The following CCDC88C variants were observed in gnomAD, a reference collection of about 807,000 sequenced individuals.
CCDC88C encodes the protein coiled-coil and HOOK domain protein 88C.
Under a neutral mutation model 198.8 loss-of-function variants are expected in CCDC88C, and 131 were observed. The observed-to-expected ratio is 0.66, with a 90% CI of 0.57 to 0.76. The LOEUF is 0.76. Among genes scored for constraint, CCDC88C ranks in the 30% least tolerant of loss-of-function variants. The pLI, the probability that CCDC88C is intolerant of heterozygous loss-of-function variation, is 0.00. For synonymous variants in CCDC88C, 1,166 were observed against 1,114.7 expected, an observed-to-expected ratio of 1.05 and a Z score of -0.92; for missense variants, 2,553 against 2,631.6, an observed-to-expected ratio of 0.97 and a Z score of 0.65.
chr14:91,367,719 C>T (rs1894606797), intron 3 of CCDC88C, among the ~76,000 whole-genome samples: 1 of 152,104 alleles, frequency 6.6e-6, no homozygotes, highest in South Asian at 2.1e-4. Context: ...AGGAGTCTGA[C>T]ACGTGAGGGA....
intron 3 of CCDC88C, among the ~76,000 whole-genome samples, chr14:91,367,191 C>A (rs1333810029): frequency 2.0e-5 from 3 of 152,134 alleles, no homozygotes; most frequent in African/African-American, 7.2e-5. Flanking sequence ...GGATGCCCCT[C>A]ATGTGGCTAT....
intron 15 of CCDC88C, among the ~76,000 whole-genome samples, 156 bp from the exon 16 acceptor site, chr14:91,310,142 G>T (rs193082265): frequency 6.6e-6 from 1 of 151,964 alleles, no homozygotes; most frequent in African/African-American, 2.4e-5. Flanking sequence ...TGCTCTTCCC[G>T]AGGAAAGCCA....
intron 2 of CCDC88C, among the ~76,000 whole-genome samples, chr14:91,413,722 GACT>G (rs1242908281): frequency 6.6e-6 from 1 of 152,218 alleles, no homozygotes; most frequent in African/African-American, 2.4e-5. Flanking sequence ...AGGGCCGAGA[GACT>G]ACTAACAGCC....
chr14:91,399,663 C>T (rs1596160434), intron 3 of CCDC88C, among the ~76,000 whole-genome samples: 1 of 151,856 alleles, frequency 6.6e-6, no homozygotes, highest in African/African-American at 2.4e-5. Context: ...CACGGTGAAA[C>T]CCCGTCTCTA....
intron 5 of CCDC88C, 48 bp downstream of exon 5, chr14:91,343,551 G>T (rs758578294): frequency 6.2e-7 from 1 of 1,611,234 alleles, no homozygotes; most frequent in Admixed American, 1.7e-5. Context: ...AACCCAATAT[G>T]AGATGGCTGG....
In CCDC88C at chr14:91,272,883, C is replaced by A. The variant is rs375271984; in HGVS notation, c.5829G>T (p.Ala1943=). Residue 1943 remains alanine (A), a synonymous_variant, in exon 30 of 30, where the codon GCG becomes GCT. Transcript: ENST00000389857. ...TGGCCACCTCCCCTGAGCGTGGGGG[C>A]GCCTTGGGCTTGGTCCTGGCAGCCG... ...AAPAARTKPK[A]PPRSGEVATI... The A allele has an allele frequency of 5.7e-6, 9 of 1,588,038 alleles. No individual in the cohort carries two copies. In the African/African-American group the frequency reaches 1.2e-4, roughly 21 times the overall value.
chr14:91,393,395 A>C (rs1021213615), intron 3 of CCDC88C, among the ~76,000 whole-genome samples: 1 of 152,182 alleles, frequency 6.6e-6, no homozygotes, highest in African/African-American at 2.4e-5. Flanking sequence ...ACCTGAGCGA[A>C]TTCTACCTCC....
intron 6 of CCDC88C, among the ~76,000 whole-genome samples, chr14:91,340,495 T>A (rs1893271798): frequency 6.6e-6 from 1 of 152,180 alleles, no homozygotes; most frequent in South Asian, 2.1e-4. Flanking sequence ...CATAAACAGT[T>A]TTCAGGGAAG....
intron 15 of CCDC88C, among the ~76,000 whole-genome samples, chr14:91,312,063 C>T (rs929103447): frequency 1.3e-5 from 2 of 151,446 alleles, no homozygotes; most frequent in Non-Finnish European, 3.0e-5. Flanking sequence ...ACAATCTAAA[C>T]ATCTAAAAAA....
chr14:91,341,348 T>G (rs1477509903), intron 6 of CCDC88C, among the ~76,000 whole-genome samples: 1 of 152,104 alleles, frequency 6.6e-6, no homozygotes. Flanking sequence ...GAGCTTTTAT[T>G]GAAATGCTTA....
chr14:91,337,848 G>A (rs376537964), intron 10 of CCDC88C, among the ~76,000 whole-genome samples, 157 bp downstream of exon 10: 47 of 152,310 alleles, frequency 3.1e-4, no homozygotes, highest in Admixed American at 1.0e-3. Context: ...CAAGACGGGG[G>A]CCCTGGGAAG....
chr14:91,366,485 A>G (rs1030192970), intron 3 of CCDC88C, among the ~76,000 whole-genome samples: 1 of 149,654 alleles, frequency 6.7e-6, no homozygotes, highest in Admixed American at 6.6e-5. Flanking sequence ...GACGGTCTAA[A>G]AAAATATAAA....
chr14:91,308,993 A>G (rs1047805909), intron 16 of CCDC88C, among the ~76,000 whole-genome samples: 1 of 152,152 alleles, frequency 6.6e-6, no homozygotes, highest in Non-Finnish European at 1.5e-5. Context: ...TTGGGATGCC[A>G]AGGCGGGAGG....
intron 2 of CCDC88C, among the ~76,000 whole-genome samples, chr14:91,415,643 C>A (rs1046701737): frequency 6.6e-6 from 1 of 151,968 alleles, no homozygotes; most frequent in African/African-American, 2.4e-5. Flanking sequence ...TCGCTTGAAC[C>A]CGGGAGGCGG....
At chr14:91,376,332 C>T (rs1596130464) in intron 3 of CCDC88C, among the ~76,000 whole-genome samples, 1 of 152,204 alleles carries the variant, frequency 6.6e-6, no homozygotes, top group East Asian at 1.9e-4. Context: ...CTCATGACTG[C>T]CTCGATTTTA....
rs1040076841 is a variant in CCDC88C at position 91,335,502 on chromosome 14, C to T, written c.1050+2503G>A. ...CTGCTTGGTTAACTCCTAGCTATTT[C>T]AGGCCTCACTTTCAACAGCACCCCC... On this transcript the variant is annotated intron_variant, in intron 10 of 29. Coordinates refer to ENST00000389857, the MANE Select transcript of CCDC88C (RefSeq NM_001080414.4). 3.3e-5 allele frequency among the ~76,000 whole-genome samples: 5 copies of T among 152,240 alleles called. No individual in the cohort carries two copies. In the South Asian group the frequency reaches 1.0e-3, roughly 32 times the overall value.
intron 3 of CCDC88C, among the ~76,000 whole-genome samples, chr14:91,404,275 C>T (rs1886364163): frequency 6.6e-6 from 1 of 152,224 alleles, no homozygotes; most frequent in Admixed American, 6.5e-5. Context: ...TAACCGCATC[C>T]TCTCCTTCCC....
intron 3 of CCDC88C, among the ~76,000 whole-genome samples, chr14:91,363,059 T>G (rs1414153797): frequency 1.3e-5 from 2 of 152,136 alleles, no homozygotes; most frequent in Non-Finnish European, 2.9e-5. Flanking sequence ...CATTAACTGG[T>G]CCCCTTAAAG....
At chr14:91,280,793 A>C (rs941390121) in intron 27 of CCDC88C, among the ~76,000 whole-genome samples, 3 of 152,100 alleles carry the variant, frequency 2.0e-5, no homozygotes, top group Non-Finnish European at 2.9e-5. Flanking sequence ...TCTTTACTCA[A>C]GTAGAAGACT....
Sources: gnomAD v4.1 joint callset for allele counts (sites outside exome capture counted in the v4.1 genomes callset) on GRCh38, gnomAD v4.1.1 for gene constraint, MANE v1.5 for transcripts, NCBI Gene and HGNC (gene_info 2026-07-23, HGNC 2026-07-21) for gene names.